The following PLCE1 variants were observed in gnomAD, a reference collection of about 807,000 sequenced individuals.
PLCE1 encodes phospholipase C epsilon 1, also known as 1-phosphatidylinositol 4,5-bisphosphate phosphodiesterase epsilon-1.
In PLCE1, 119 loss-of-function variants were observed where a neutral mutation model predicts 242.8. That is an observed-to-expected ratio of 0.49 (90% CI 0.42 to 0.57). PLCE1 has a LOEUF of 0.57. PLCE1 is among the 20% of genes least tolerant of loss of function. The pLI is 0.00. For synonymous variants in PLCE1, 945 were observed against 1,017.4 expected, an observed-to-expected ratio of 0.93 and a Z score of 1.35; for missense variants, 2,441 against 2,788.8, an observed-to-expected ratio of 0.88 and a Z score of 2.81.
rs552302226 is a variant in PLCE1 at position 94,222,834 on chromosome 10, A to G, written c.1810-4472A>G. On this transcript the variant is annotated intron_variant, in intron 4 of 32. Coordinates refer to ENST00000371380, the MANE Select transcript of PLCE1 (RefSeq NM_016341.4). The stretch of plus-strand genomic sequence containing the variant: ...AATCTACCCTCTGAAGGACTGATCC[A>G]GATAAACAGCCCTTGCAGACCAGCA... 3.3e-5 allele frequency among the ~76,000 whole-genome samples: 5 copies of G among 152,328 alleles called. No homozygotes were observed. The East Asian group carries it at 9.6e-4, about 29-fold the overall frequency.
In PLCE1 at chr10:94,132,217, G is replaced by T. The variant is rs375770728; in HGVS notation, c.1250G>T (p.Gly417Val). The T allele has an allele frequency of 1.2e-5, 20 of 1,613,894 alleles. No individual in the cohort carries two copies. The African/African-American group carries it at 2.7e-4, about 22-fold the overall frequency. The change falls in exon 3 of 33, where the codon GGA (glycine) becomes GTA (valine). Residue 417 changes from glycine to valine, a missense_variant. Physicochemically the swap from Gly to Val is moderately radical, Grantham distance 109 (BLOSUM62 -3). Coordinates refer to ENST00000371380, the MANE Select transcript of PLCE1 (RefSeq NM_016341.4). Reference protein sequence around the residue: ...VRREETENTVGSLLHFLTKLP... With the variant: ...VRREETENTVVSLLHFLTKLP... ...AGAGAAGAAACAGAAAATACAGTTG[G>T]ATCTCTACTCCATTTCCTCACCAAG...
At chr10:94,155,205 A>G (rs2047392793) in intron 3 of PLCE1, among the ~76,000 whole-genome samples, 5 of 152,218 alleles carry the variant, frequency 3.3e-5, no homozygotes. Flanking sequence ...AACATTAGTC[A>G]TAACAGCCAA....
At chr10:94,241,619 G>A (rs181199624) in intron 7 of PLCE1, among the ~76,000 whole-genome samples, 383 of 152,128 alleles carry the variant, frequency 2.5e-3, no homozygotes, top group African/African-American at 8.0e-3. Context: ...GTGAAACCCT[G>A]TCTCTACTAA....
intron 5 of PLCE1, among the ~76,000 whole-genome samples, chr10:94,228,789 A>G (rs2050038615): frequency 1.3e-5 from 2 of 152,176 alleles, no homozygotes; most frequent in Non-Finnish European, 2.9e-5. Flanking sequence ...GGCATGGCTC[A>G]AAAGAAGGAA....
intron 4 of PLCE1, among the ~76,000 whole-genome samples, chr10:94,223,897 T>C (rs958320604): frequency 3.9e-5 from 6 of 152,202 alleles, no homozygotes; most frequent in African/African-American, 1.4e-4. Context: ...CACATCCCAT[T>C]TTCCACTTAG....
Position 94,262,555 on chromosome 10 carries a change from G to T in PLCE1, c.3876G>T (p.Ser1292=), listed in dbSNP as rs886047501. 1 of 1,614,044 alleles carries T rather than the reference G, an allele frequency of 6.2e-7. No individual in the cohort carries two copies. The highest frequency in any genetic ancestry group is 8.5e-7 in the Non-Finnish European group (1 of 1,179,970). The part of the protein sequence containing the change: ...GLFIKSKQQL[S]DNQRQISDAI... ...TCATTAAGAGTAAACAGCAGCTATC[G>T]GACAACCAGAGGCAGATATCTGATG... The change falls in exon 14 of 33, where the codon TCG becomes TCT. Residue 1292 remains serine, a synonymous_variant. Coordinates refer to ENST00000371380, the MANE Select transcript of PLCE1 (RefSeq NM_016341.4).
intron 25 of PLCE1, 152 bp downstream of exon 25, chr10:94,304,797 AG>A: frequency 1.3e-6 from 1 of 775,760 alleles, no homozygotes; most frequent in South Asian, 1.6e-5. Flanking sequence ...TTTTCCAGGA[AG>A]CAGTAGCTAT....
At chr10:94,094,237 G>C (rs1035043992) in intron 2 of PLCE1, among the ~76,000 whole-genome samples, 1 of 148,992 alleles carries the variant, frequency 6.7e-6, no homozygotes, top group Admixed American at 6.6e-5. Context: ...CACCGCGCCC[G>C]GCCTCGGTAT....
chr10:94,315,074 C>T, intron 28 of PLCE1: 1 of 232,536 alleles, frequency 4.3e-6, no homozygotes, highest in Non-Finnish European at 8.6e-6. Flanking sequence ...CAGGACTGAG[C>T]AGGGGGTGAT....
intron 31 of PLCE1, 47 bp downstream of exon 31, chr10:94,324,614 C>CT (rs1230872034): frequency 7.4e-7 from 1 of 1,347,560 alleles, no homozygotes; most frequent in African/African-American, 1.5e-5. Context: ...ATCTGATACC[C>CT]ATAATTACAC....
At chr10:94,169,660 T>A (rs1285967975) in intron 3 of PLCE1, among the ~76,000 whole-genome samples, 4 of 152,034 alleles carry the variant, frequency 2.6e-5, no homozygotes, top group African/African-American at 4.8e-5. Flanking sequence ...GGATAGTGAG[T>A]TGTTTAGGAA....
At chr10:94,013,741 G>A (rs1589854751) in intron 1 of PLCE1, among the ~76,000 whole-genome samples, 1 of 152,106 alleles carries the variant, frequency 6.6e-6, no homozygotes, top group Non-Finnish European at 1.5e-5. Flanking sequence ...TGACAACCAG[G>A]CAGGGTAATA....
chr10:94,006,460 A>G (rs182766032), intron 1 of PLCE1, among the ~76,000 whole-genome samples: 8 of 152,336 alleles, frequency 5.3e-5, no homozygotes, highest in African/African-American at 1.7e-4. Flanking sequence ...CAAGTCTACC[A>G]TTTAATAACT....
chr10:94,130,016 C>A (rs2135883425), intron 2 of PLCE1, among the ~76,000 whole-genome samples: 1 of 152,312 alleles, frequency 6.6e-6, no homozygotes, highest in Non-Finnish European at 1.5e-5. Context: ...GAAATGCCTG[C>A]TTTCCAAGGC....
chr10:94,164,053 A>G (rs2047710396), intron 3 of PLCE1, among the ~76,000 whole-genome samples: 1 of 152,154 alleles, frequency 6.6e-6, no homozygotes, highest in East Asian at 1.9e-4. Flanking sequence ...CTTTGTGGGT[A>G]ACCCGACCTT....
intron 4 of PLCE1, among the ~76,000 whole-genome samples, chr10:94,180,699 G>T (rs919505431): frequency 2.0e-5 from 3 of 152,190 alleles, no homozygotes; most frequent in African/African-American, 7.2e-5. Context: ...ACTGTGGTGG[G>T]ATTAAGAGTT....
At chr10:94,209,575 G>A (rs1031060914) in intron 4 of PLCE1, among the ~76,000 whole-genome samples, 1 of 152,082 alleles carries the variant, frequency 6.6e-6, no homozygotes, top group African/African-American at 2.4e-5. Context: ...AGATATAAAA[G>A]CATAGAATTC....
At chr10:94,144,585 G>A (rs1441766722) in intron 3 of PLCE1, among the ~76,000 whole-genome samples, 2 of 152,080 alleles carry the variant, frequency 1.3e-5, no homozygotes, top group African/African-American at 4.8e-5. Flanking sequence ...TTAGCTGATG[G>A]GCCAAGTAAA....
At chr10:94,011,721 A>G (rs901555027) in intron 1 of PLCE1, among the ~76,000 whole-genome samples, 2 of 152,326 alleles carry the variant, frequency 1.3e-5, no homozygotes, top group Admixed American at 6.5e-5. Flanking sequence ...CTTGTTTGTC[A>G]GCCCCTGAAA....
Sources: allele counts gnomAD v4.1 joint callset (sites outside exome capture counted in the v4.1 genomes callset), GRCh38; gene constraint gnomAD v4.1.1; transcripts MANE v1.5; gene names NCBI Gene and HGNC (gene_info 2026-07-23, HGNC 2026-07-21).